Variants in LTBP1 observed in about 807,000 individuals in gnomAD.
The protein encoded by LTBP1 is latent-transforming growth factor beta-binding protein 1.
A neutral mutation model predicts 207.6 loss-of-function variants in LTBP1; 129 were observed. The observed-to-expected ratio is 0.62, with a 90% CI of 0.54 to 0.72. The LOEUF is 0.72. Ranked by LOEUF, LTBP1 falls within the 30% of genes least tolerant of loss-of-function variation. LTBP1 has a pLI of 0.00. For missense variants in LTBP1, 2,281 were observed against 2,217.2 expected (o/e 1.03, Z -0.58); for synonymous variants, 963 against 833.7 (o/e 1.16, Z -2.67).
At chr2:33,346,846 G>C (rs1182205019) in intron 25 of LTBP1, among the ~76,000 whole-genome samples, 1 of 152,204 alleles carries the variant, frequency 6.6e-6, no homozygotes, top group Non-Finnish European at 1.5e-5. Flanking sequence ...GCTGGGCGCA[G>C]TGGCTCGCGC....
chr2:33,046,464 C>T (rs910743083), intron 3 of LTBP1, among the ~76,000 whole-genome samples: 4 of 152,066 alleles, frequency 2.6e-5, no homozygotes, highest in African/African-American at 7.2e-5. Context: ...GGGATGAAGC[C>T]GACTTGATCG....
chr2:33,200,127 C>T (rs1170943140), intron 7 of LTBP1, among the ~76,000 whole-genome samples: 17 of 152,194 alleles, frequency 1.1e-4, no homozygotes, highest in South Asian at 1.0e-3. Context: ...AAAAACTACT[C>T]AAAAGTTCAT....
intron 5 of LTBP1, among the ~76,000 whole-genome samples, chr2:33,165,702 C>T (rs898084963): frequency 3.3e-5 from 5 of 152,310 alleles, no homozygotes; most frequent in Admixed American, 6.5e-5. Context: ...AATTTATCAT[C>T]ATCATTATTA....
intron 3 of LTBP1, among the ~76,000 whole-genome samples, chr2:33,021,523 CT>C (rs1159826495): frequency 6.6e-6 from 1 of 152,040 alleles, no homozygotes; most frequent in African/African-American, 2.4e-5. Context: ...TTTAAAAATT[CT>C]GTTTTTGAGG....
At chr2:33,214,038 C>A (rs2090506233) in intron 7 of LTBP1, among the ~76,000 whole-genome samples, 1 of 152,190 alleles carries the variant, frequency 6.6e-6, no homozygotes, top group Non-Finnish European at 1.5e-5. Flanking sequence ...TGGATTTTAA[C>A]TGCTACTAAC....
chr2:33,220,877 G>A (rs72858030), intron 8 of LTBP1, among the ~76,000 whole-genome samples: 1,857 of 152,324 alleles, frequency 0.012, 37 homozygotes, highest in African/African-American at 0.043. Context: ...AATCTGAAGA[G>A]AGGGGAAATA....
intron 3 of LTBP1, among the ~76,000 whole-genome samples, chr2:33,026,515 G>A (rs371825063): frequency 7.2e-5 from 11 of 152,212 alleles, no homozygotes; most frequent in African/African-American, 1.9e-4. Flanking sequence ...TGGAATAATA[G>A]CATTTGCCTT....
In LTBP1 at chr2:33,217,611, C is replaced by T. The variant is rs776107366; in HGVS notation, c.1761C>T (p.Thr587=). Reference sequence around the variant, plus strand: ...AGGACTGCTGTGGAACTGTGGGTACCTCCTGGGGCTTTAACAAATGCCAGA... The same window carrying T: ...AGGACTGCTGTGGAACTGTGGGTACTTCCTGGGGCTTTAACAAATGCCAGA... The part of the protein sequence containing the change: ...KQEDCCGTVG[T]SWGFNKCQKC... The change falls in exon 8 of 34, where the codon ACC becomes ACT. Residue 587 remains threonine (T), a synonymous_variant. Coordinates refer to ENST00000404816, the MANE Select transcript of LTBP1 (RefSeq NM_206943.4). The T allele has an allele frequency of 1.4e-5, 23 of 1,613,776 alleles. No homozygotes were observed. The highest frequency in any genetic ancestry group is 1.8e-5 in the Non-Finnish European group (21 of 1,179,854).
chr2:33,061,349 A>G (rs562282069), intron 3 of LTBP1: 2 of 152,300 alleles, frequency 1.3e-5, no homozygotes, highest in African/African-American at 2.4e-5. Flanking sequence ...GGTAAAATTT[A>G]CAGTGTACTG....
At chr2:33,235,445 A>G (rs189680804) in intron 9 of LTBP1, among the ~76,000 whole-genome samples, 19 of 152,348 alleles carry the variant, frequency 1.2e-4, no homozygotes, top group African/African-American at 4.1e-4. Context: ...ACGTTTTTAC[A>G]CTGTTGGTGG....
In LTBP1 at chr2:33,061,689, ATTTG is replaced by A. The variant is rs764725282; in HGVS notation, c.863+40489_863+40492del. Among the ~76,000 whole-genome samples the A allele has an allele frequency of 2.6e-5, 4 of 152,148 alleles. No individual in the cohort carries two copies. In the East Asian group the frequency reaches 7.7e-4, roughly 29 times the overall value. On this transcript the variant is annotated intron_variant, in intron 3 of 33. Transcript: ENST00000404816. The stretch of plus-strand genomic sequence containing the variant: ...TATTCCATTGTATAAATATATGGCA[ATTTG>A]TTTGTCCAGTCATCTGTTGATGAAC...
Position 33,397,184 on chromosome 2 carries a change from A to G in LTBP1, c.4886A>G (p.Asn1629Ser), listed in dbSNP as rs774316691. 2 of 1,614,110 alleles carry G rather than the reference A, an allele frequency of 1.2e-6. No individual in the cohort carries two copies. The highest frequency in any genetic ancestry group is 2.2e-5 in the East Asian group (1 of 44,882). Residue 1629 changes from asparagine to serine, a missense_variant, in exon 33 of 34, where the codon AAT becomes AGT. By Grantham distance (46) the Asn-to-Ser change is conservative (BLOSUM62 1). Transcript: ENST00000404816. ...CAGGCTGAGGAATGCGGCATCCTCAATGGATGTGAAAATGGTCGCTGTGTG... is the reference window on the plus strand; with the variant it reads ...CAGGCTGAGGAATGCGGCATCCTCAGTGGATGTGAAAATGGTCGCTGTGTG... ...ELQAEECGIL[N>S]GCENGRCVRV...
chr2:33,190,077 G>A (rs7603774), intron 7 of LTBP1, among the ~76,000 whole-genome samples: 11,946 of 152,198 alleles, frequency 0.078, 1,013 homozygotes, highest in African/African-American at 0.21. Context: ...TGCATGAGTT[G>A]TTTGAAGTGT....
chr2:33,359,199 T>C (rs554586511), intron 26 of LTBP1, among the ~76,000 whole-genome samples: 3 of 152,282 alleles, frequency 2.0e-5, no homozygotes, highest in South Asian at 4.1e-4. Context: ...GGATGAGGGA[T>C]CTTTATATTC....
intron 23 of LTBP1, among the ~76,000 whole-genome samples, chr2:33,314,041 A>C (rs918763429): frequency 1.4e-4 from 21 of 152,194 alleles, no homozygotes; most frequent in African/African-American, 4.1e-4. Flanking sequence ...AGTGTTTGGA[A>C]GTAGCCCTTG....
intron 19 of LTBP1, among the ~76,000 whole-genome samples, chr2:33,290,494 T>C (rs1039045873): frequency 6.6e-6 from 1 of 152,216 alleles, no homozygotes; most frequent in Non-Finnish European, 1.5e-5. Flanking sequence ...GCCAACACCA[T>C]TTATCAGATT....
chr2:32,947,171 A>T lies in LTBP1; in HGVS notation c.-154A>T. The T allele has an allele frequency of 2.2e-6, 1 of 458,116 alleles. No homozygotes were observed. The highest frequency in any genetic ancestry group is 4.0e-5 in the East Asian group (1 of 24,880). The allele number at this position is 458,116 out of a possible 1,614,324, so 28.4% of individuals were successfully genotyped here. ...TCTGGGGCCGCTCAGCTGCCCGCAG[A>T]GCCTCCTCCCTCGCCACCGACTTGG... On this transcript the variant is annotated 5_prime_UTR_variant, in exon 1 of 34. Coordinates refer to ENST00000404816, the MANE Select transcript of LTBP1 (RefSeq NM_206943.4).
intron 4 of LTBP1, among the ~76,000 whole-genome samples, chr2:33,124,146 C>G (rs575198919): frequency 6.6e-6 from 1 of 152,200 alleles, no homozygotes. Flanking sequence ...CGGTGGCTCA[C>G]GCCTGTAATC....
chr2:33,395,905 A>ATTT (rs376980446), intron 32 of LTBP1, among the ~76,000 whole-genome samples: 44 of 144,426 alleles, frequency 3.0e-4, no homozygotes, highest in African/African-American at 1.1e-3. Flanking sequence ...TTCTAGCCAT[A>ATTT]TATTTTTTTT....
Sources: gnomAD v4.1 joint callset for allele counts (sites outside exome capture counted in the v4.1 genomes callset) on GRCh38, gnomAD v4.1.1 for gene constraint, MANE v1.5 for transcripts, NCBI Gene and HGNC (gene_info 2026-07-23, HGNC 2026-07-21) for gene names.